DCLK1: variants seen among roughly 807,000 people sequenced by gnomAD.
DCLK1 encodes doublecortin like kinase 1.
Under a neutral mutation model 86.2 loss-of-function variants are expected in DCLK1, and 16 were observed. That is an observed-to-expected ratio of 0.19 (90% confidence interval 0.13 to 0.28). The LOEUF is 0.28. DCLK1 is among the 10% of genes least tolerant of loss of function. The pLI is 1.00. For missense variants in DCLK1, 590 were observed against 940.2 expected (o/e 0.63, Z 4.87); for synonymous variants, 369 against 370.5 (o/e 1.00, Z 0.05).
intron 2 of DCLK1, among the ~76,000 whole-genome samples, chr13:36,120,328 T>C (rs1394435121): frequency 6.6e-6 from 1 of 152,124 alleles, no homozygotes; most frequent in Admixed American, 6.6e-5. Context: ...CAATATTTGG[T>C]TATAAGATTA....
chr13:35,946,694 A>T (rs1877401799), intron 4 of DCLK1, among the ~76,000 whole-genome samples: 1 of 152,244 alleles, frequency 6.6e-6, no homozygotes, highest in Admixed American at 6.5e-5. Context: ...GTTTGGTAGA[A>T]TAATCTTACC....
intron 3 of DCLK1, among the ~76,000 whole-genome samples, chr13:35,969,542 T>C (rs1593779074): frequency 6.6e-6 from 1 of 152,198 alleles, no homozygotes; most frequent in East Asian, 1.9e-4. Flanking sequence ...CCTCAAGAAC[T>C]GGGAGATAAT....
In DCLK1 at chr13:35,881,054, A is replaced by G. The variant is rs150673449; in HGVS notation, c.824-9714T>C. Among the ~76,000 whole-genome samples, 266 of 152,322 alleles carry G rather than the reference A, an allele frequency of 1.7e-3. 3 individuals are homozygous for G. Among genetic ancestry groups the G allele is most frequent in the South Asian group, 0.011 (54 of 4,824 alleles). ...TATACAGATGAACAATGGCCAGACC[A>G]TATAACAAAACACAACTCTGGCTCA... On this transcript the variant is annotated intron_variant, in intron 4 of 16. Coordinates refer to ENST00000360631, the MANE Select transcript of DCLK1 (RefSeq NM_001330071.2).
At chr13:35,944,126 T>G (rs143766399) in intron 4 of DCLK1, among the ~76,000 whole-genome samples, 1 of 152,296 alleles carries the variant, frequency 6.6e-6, no homozygotes, top group East Asian at 1.9e-4. Flanking sequence ...TGTGGCCCCA[T>G]GAAATACTCA....
intron 16 of DCLK1, among the ~76,000 whole-genome samples, chr13:35,782,283 C>G (rs1012620577): frequency 9.2e-5 from 14 of 152,234 alleles, no homozygotes; most frequent in African/African-American, 3.1e-4. Flanking sequence ...AAAATTACAG[C>G]CAATTGGTGG....
intron 10 of DCLK1, among the ~76,000 whole-genome samples, chr13:35,823,854 C>T (rs1410452728): frequency 6.6e-6 from 1 of 152,238 alleles, no homozygotes; most frequent in Non-Finnish European, 1.5e-5. Context: ...ATCTGCCTCT[C>T]GGGCCTGGGC....
intron 4 of DCLK1, among the ~76,000 whole-genome samples, chr13:35,898,517 G>A (rs142891968): frequency 1.3e-5 from 2 of 152,222 alleles, no homozygotes; most frequent in African/African-American, 2.4e-5. Context: ...AATTGGCTAC[G>A]ATCTCACCAT....
intron 3 of DCLK1, among the ~76,000 whole-genome samples, chr13:36,023,773 T>G (rs1033800880): frequency 6.6e-6 from 1 of 152,128 alleles, no homozygotes; most frequent in Non-Finnish European, 1.5e-5. Context: ...CTTTTCACAG[T>G]CTGATAAAAC....
At chr13:35,877,002 A>G (rs1384257339) in intron 4 of DCLK1, among the ~76,000 whole-genome samples, 1 of 152,186 alleles carries the variant, frequency 6.6e-6, no homozygotes, top group Non-Finnish European at 1.5e-5. Flanking sequence ...AAACTCATGA[A>G]CTGGTTCTCT....
chr13:36,104,278 G>C (rs1476118273), intron 3 of DCLK1, among the ~76,000 whole-genome samples: 1 of 152,186 alleles, frequency 6.6e-6, no homozygotes, highest in Non-Finnish European at 1.5e-5. Context: ...CAGCAAACTG[G>C]TCAATCATCC....
chr13:35,910,092 G>A (rs148949199), intron 4 of DCLK1, among the ~76,000 whole-genome samples: 1 of 152,182 alleles, frequency 6.6e-6, no homozygotes, highest in Non-Finnish European at 1.5e-5. Flanking sequence ...ATCCAGACAC[G>A]TGTTCTCCAG....
At chr13:36,034,552 C>T (rs1338761611) in intron 3 of DCLK1, among the ~76,000 whole-genome samples, 3 of 152,166 alleles carry the variant, frequency 2.0e-5, no homozygotes, top group African/African-American at 7.2e-5. Flanking sequence ...ATTAGCCCAA[C>T]AGTCAATTCT....
chr13:35,993,545 T>G (rs11147594), intron 3 of DCLK1, among the ~76,000 whole-genome samples: 54,926 of 151,966 alleles, frequency 0.36, 11,060 homozygotes, highest in Non-Finnish European at 0.44. Flanking sequence ...CCACTTACTA[T>G]CTGTGAAACT....
chr13:36,085,772 T>C (rs538181831), intron 3 of DCLK1, among the ~76,000 whole-genome samples: 112 of 152,068 alleles, frequency 7.4e-4, no homozygotes, highest in African/African-American at 2.6e-3. Flanking sequence ...TGGAGAGGAT[T>C]TGAAAAGGGC....
At chr13:35,982,385 G>A (rs964748256) in intron 3 of DCLK1, among the ~76,000 whole-genome samples, 21 of 131,230 alleles carry the variant, frequency 1.6e-4, no homozygotes, top group African/African-American at 5.6e-4. Flanking sequence ...TATTTCAAGA[G>A]AAAGAAAAGA....
At chr13:36,120,213 G>C (rs987927616) in intron 2 of DCLK1, among the ~76,000 whole-genome samples, 5 of 151,934 alleles carry the variant, frequency 3.3e-5, no homozygotes, top group Admixed American at 6.6e-5. Flanking sequence ...TATAAATAAA[G>C]AATAACACAT....
At chr13:35,847,502 A>C in intron 6 of DCLK1, 2 of 985,234 alleles carry the variant, frequency 2.0e-6, no homozygotes, top group Non-Finnish European at 2.4e-6. Flanking sequence ...ATATGGCCAC[A>C]TATGAAAAAT....
intron 16 of DCLK1, among the ~76,000 whole-genome samples, chr13:35,776,157 T>C (rs1352414302): frequency 6.6e-6 from 1 of 152,238 alleles, no homozygotes. Flanking sequence ...CCTCATATAG[T>C]TCTTAGTCTT....
upstream of DCLK1, among the ~76,000 whole-genome samples, chr13:36,131,470 G>C (rs1328474676): frequency 1.3e-5 from 2 of 151,846 alleles, no homozygotes; most frequent in African/African-American, 4.8e-5. Flanking sequence ...CTCCGCGTGC[G>C]CGCCCCGTCG....
Sources: gnomAD v4.1 joint callset for allele counts (sites outside exome capture counted in the v4.1 genomes callset) on GRCh38, gnomAD v4.1.1 for gene constraint, MANE v1.5 for transcripts, NCBI Gene and HGNC (gene_info 2026-07-23, HGNC 2026-07-21) for gene names.